Variants in SNW1 observed in about 807,000 individuals in gnomAD.
SNW1 encodes the protein SNW domain containing 1, also known as SNW domain-containing protein 1.
A neutral mutation model predicts 75.6 loss-of-function variants in SNW1; 9 were observed. That is an observed-to-expected ratio of 0.12 (90% CI 0.07 to 0.21). The LOEUF (loss-of-function observed/expected upper bound fraction) is 0.21, where lower values mean the gene tolerates loss of function less well. Among genes scored for constraint, SNW1 ranks in the 10% least tolerant of loss-of-function variants. The pLI is 1.00. For missense variants in SNW1, 409 were observed against 670.9 expected (o/e 0.61, Z 4.31); for synonymous variants, 200 against 219.1 (o/e 0.91, Z 0.77).
chr14:77,743,122 G>A (rs1355224427), intron 3 of SNW1, among the ~76,000 whole-genome samples: 1 of 151,934 alleles, frequency 6.6e-6, no homozygotes, highest in Non-Finnish European at 1.5e-5. Context: ...CTACTCAGGA[G>A]GCTGAGGCAG....
At chr14:77,730,841 G>T in intron 10 of SNW1, 147 bp downstream of exon 10, 1 of 802,654 alleles carries the variant, frequency 1.2e-6, no homozygotes, top group Non-Finnish European at 1.9e-6. Flanking sequence ...CTAAGGCAGA[G>T]ATTACTCTCC....
rs559737000 is a variant in SNW1, at chr14:77,747,767, C to G, written c.330+3552G>C. 7.6e-3 allele frequency among the ~76,000 whole-genome samples: 1,148 copies of G among 150,156 alleles called. 10 individuals carry two copies. The highest frequency in any genetic ancestry group is 0.027 in the African/African-American group (1,093 of 40,808). ...GGAGGGAGGTGGGGGCCAGCCCCTG[C>G]CTGGCCAGCCGCCCTGTCCGGGAGG... is the stretch of plus-strand genomic sequence containing the variant. On this transcript the variant is annotated intron_variant, in intron 3 of 13. Coordinates refer to ENST00000261531, the MANE Select transcript of SNW1 (RefSeq NM_012245.3).
At chr14:77,751,845 C>CA (rs1555388654) in intron 2 of SNW1, among the ~76,000 whole-genome samples, 1,819 of 122,446 alleles carry the variant, frequency 0.015, 11 homozygotes, top group Middle Eastern at 0.04. Context: ...CACACACACA[C>CA]CACACACACA....
chr14:77,734,685 C>G (rs1052878603), intron 8 of SNW1, among the ~76,000 whole-genome samples: 15 of 152,006 alleles, frequency 9.9e-5, no homozygotes, highest in African/African-American at 3.6e-4. Context: ...CTGCAGTGAG[C>G]TGAGATCATG....
intron 9 of SNW1, 80 bp downstream of exon 9, chr14:77,732,405 G>A (rs1286940890): frequency 1.2e-6 from 1 of 828,574 alleles, no homozygotes; most frequent in African/African-American, 1.7e-5. Flanking sequence ...CGGTACTATA[G>A]TTAAATTATC....
chr14:77,718,046 G>C lies in SNW1; in HGVS notation c.*42C>G. Reference sequence around the variant, plus strand: ...TTCCCCCATATGACTTGCATCATTAGGGTTATGGGTAAGAGTTCATTCACT... The same window carrying C: ...TTCCCCCATATGACTTGCATCATTACGGTTATGGGTAAGAGTTCATTCACT... On this transcript the variant is annotated 3_prime_UTR_variant, in exon 14 of 14. Coordinates refer to ENST00000261531, the MANE Select transcript of SNW1 (RefSeq NM_012245.3). 6.7e-7 allele frequency: 1 copy of C among 1,497,812 alleles called. No individual in the cohort carries two copies. Among genetic ancestry groups the C allele is most frequent in the Non-Finnish European group, 8.9e-7 (1 of 1,118,068 alleles). The allele number at this position is 1,497,812 out of a possible 1,614,324, so 92.8% of individuals were successfully genotyped here. A position where few individuals can be genotyped will look rare whatever the true frequency, so the allele number is the denominator to read the frequency against.
intron 11 of SNW1, among the ~76,000 whole-genome samples, chr14:77,721,914 A>T (rs2080544206): frequency 6.6e-6 from 1 of 151,934 alleles, no homozygotes. Flanking sequence ...CACCCAGCTA[A>T]TTTTTGCATT....
intron 11 of SNW1, chr14:77,721,117 GAT>G: frequency 3.3e-6 from 1 of 302,334 alleles, no homozygotes; most frequent in Non-Finnish European, 6.2e-6. Flanking sequence ...ACCATGCTGA[GAT>G]ATAAAATTGC....
chr14:77,744,238 A>C (rs2080741070), intron 3 of SNW1, among the ~76,000 whole-genome samples: 1 of 151,938 alleles, frequency 6.6e-6, no homozygotes, highest in South Asian at 2.1e-4. Context: ...GGATCATTTG[A>C]GGTCAGGAGT....
intron 5 of SNW1, 104 bp from the exon 6 acceptor site, chr14:77,737,179 C>T (rs773744367): frequency 3.6e-5 from 28 of 775,994 alleles, no homozygotes; most frequent in South Asian, 1.1e-4. Context: ...CAATTCCTTT[C>T]GCAAAGTATT....
chr14:77,751,200 ACCAT>A lies in SNW1; in HGVS notation c.330+115_330+118del, dbSNP rs1384537291. The A allele has an allele frequency of 7.8e-6, 8 of 1,030,964 alleles. No homozygotes were observed. The African/African-American group carries it at 1.3e-4, about 17-fold the overall frequency. The allele number at this position is 1,030,964 out of a possible 1,614,324, so 63.9% of individuals were successfully genotyped here. A position where few individuals can be genotyped will look rare whatever the true frequency, so the allele number is the denominator to read the frequency against. ...GTAGCTGGGAATATAGGTACGAGCC[ACCAT>A]GCCCAGCCACTGCTACTTTTAACAT... On this transcript the variant is annotated intron_variant, in intron 3 of 13. Transcript: ENST00000261531.
intron 9 of SNW1, 108 bp downstream of exon 9, chr14:77,732,375 TGA>T: frequency 1.4e-6 from 1 of 699,516 alleles, no homozygotes; most frequent in Non-Finnish European, 2.5e-6. Flanking sequence ...GTACCATGGG[TGA>T]GACTCTCTTT....
chr14:77,738,715 C>G, intron 5 of SNW1, 63 bp downstream of exon 5: 1 of 1,223,138 alleles, frequency 8.2e-7, no homozygotes, highest in East Asian at 2.3e-5. Flanking sequence ...TGAAAGAATA[C>G]CATGACCCCC....
chr14:77,725,810 G>A (rs2080580385), intron 10 of SNW1, among the ~76,000 whole-genome samples: 1 of 152,160 alleles, frequency 6.6e-6, no homozygotes, highest in African/African-American at 2.4e-5. Context: ...CAGTTACTTG[G>A]GAGGCCAAGG....
intron 5 of SNW1, 150 bp downstream of exon 5, chr14:77,738,628 T>C (rs1219855078): frequency 1.4e-5 from 9 of 636,078 alleles, no homozygotes; most frequent in Admixed American, 3.0e-5. Context: ...CTGCTTTCAA[T>C]TGTCTGCAAA....
intron 2 of SNW1, among the ~76,000 whole-genome samples, chr14:77,753,733 CCT>C (rs1233964186): frequency 6.6e-6 from 1 of 151,964 alleles, no homozygotes; most frequent in East Asian, 1.9e-4. Context: ...AGGTGGATCA[CCT>C]GAAGTCAGGA....
chr14:77,720,166 CTT>C (rs538947142), intron 12 of SNW1, among the ~76,000 whole-genome samples: 79 of 152,280 alleles, frequency 5.2e-4, no homozygotes, highest in Middle Eastern at 3.4e-3. Context: ...GACACTGACT[CTT>C]TTATTTTTTT....
intron 12 of SNW1, chr14:77,720,476 A>G: frequency 1.4e-6 from 1 of 703,138 alleles, no homozygotes; most frequent in Non-Finnish European, 2.6e-6. Flanking sequence ...ACATACCACA[A>G]CACCAAGTTT....
intron 12 of SNW1, among the ~76,000 whole-genome samples, chr14:77,719,019 TC>T (rs1357947235): frequency 1.3e-5 from 2 of 152,166 alleles, no homozygotes; most frequent in Admixed American, 1.3e-4. Flanking sequence ...GCTCAGGTGT[TC>T]CTCCCACCTC....
Sources: gnomAD v4.1 joint callset for allele counts (sites outside exome capture counted in the v4.1 genomes callset) on GRCh38, gnomAD v4.1.1 for gene constraint, MANE v1.5 for transcripts, NCBI Gene and HGNC (gene_info 2026-07-23, HGNC 2026-07-21) for gene names.